Variants in CATSPER2 observed in about 807,000 individuals in gnomAD.
CATSPER2 encodes cation channel sperm-associated protein 2.
CATSPER2 carries 56 observed loss-of-function variants against 68.8 expected under a neutral mutation model. The ratio of observed to expected loss-of-function variants is 0.81; its 90% confidence interval spans 0.66 to 1.02. The LOEUF is 1.02. Ranked by LOEUF, CATSPER2 falls within the 50% of genes least tolerant of loss-of-function variation. The pLI is 0.00. For synonymous variants in CATSPER2, 198 were observed against 229.9 expected (o/e 0.86, Z 1.26); for missense variants, 582 against 642.0 (o/e 0.91, Z 1.01).
chr15:43,639,076 C>A, intron 6 of CATSPER2, 48 bp from the exon 7 acceptor site: 1 of 1,604,914 alleles, frequency 6.2e-7, no homozygotes, highest in South Asian at 1.1e-5. Flanking sequence ...CTAGGCTGAT[C>A]TCCACCAACA....
intron 5 of CATSPER2, 178 bp from the exon 6 acceptor site, chr15:43,639,976 C>T (rs906874830): frequency 1.0e-5 from 15 of 1,469,358 alleles, no homozygotes; most frequent in Non-Finnish European, 1.4e-5. Flanking sequence ...TATACTTAAA[C>T]TTGTTCAGAT....
At chr15:43,633,154 G>A (rs2085905869) in intron 10 of CATSPER2, 3 of 638,990 alleles carry the variant, frequency 4.7e-6, no homozygotes, top group Non-Finnish European at 7.9e-6. Context: ...AAGAAATCCT[G>A]CTGACTCTAC....
At position 43,630,607 on chromosome 15, in the gene CATSPER2, T is replaced by G; in HGVS notation, c.*94A>C. ...TTTAATTTTAATGAACAGACATTGT[T>G]CTATCTGAATGTTTATATTTTCAAT... On this transcript the variant is annotated 3_prime_UTR_variant, in exon 13 of 13. Coordinates refer to ENST00000396879, the MANE Select transcript of CATSPER2 (RefSeq NM_172095.4). 1 of 1,607,718 alleles carries G rather than the reference T, an allele frequency of 6.2e-7. No individual in the cohort carries two copies. The highest frequency in any genetic ancestry group is 8.5e-7 in the Non-Finnish European group (1 of 1,177,130).
chr15:43,641,802 G>A (rs566418968), intron 4 of CATSPER2, among the ~76,000 whole-genome samples: 5 of 152,024 alleles, frequency 3.3e-5, no homozygotes, highest in South Asian at 2.1e-4. Flanking sequence ...TGGCTCTTCC[G>A]GGCTCAAGAG....
In CATSPER2 at chr15:43,635,726, C is replaced by T. The variant is rs150604025; in HGVS notation, c.1121+1G>A. ...TTGGGGTTGAAAAGGGAGAAGCAGACCTCTGGATGATCTGCCGCTTGAACA... is the reference window on the plus strand; with the variant it reads ...TTGGGGTTGAAAAGGGAGAAGCAGATCTCTGGATGATCTGCCGCTTGAACA... On this transcript the variant is annotated splice_donor_variant, in intron 9 of 12. Coordinates refer to ENST00000396879, the MANE Select transcript of CATSPER2 (RefSeq NM_172095.4). LOFTEE classifies it high-confidence loss of function. 3.5e-5 allele frequency: 56 copies of T among 1,611,482 alleles called. 1 individual carries two copies. Among genetic ancestry groups the T allele is most frequent in the Admixed American group, 5.0e-5 (3 of 59,926 alleles).
chr15:43,635,677 T>G lies in CATSPER2; in HGVS notation c.1121+50A>C. 1.9e-6 allele frequency: 3 copies of G among 1,541,368 alleles called. No individual in the cohort carries two copies. In the Admixed American group the frequency reaches 5.1e-5, roughly 26 times the overall value. ...CGAGAAGTAGAAACAAGAAATGAGC[T>G]CAGGAAACCCTTGAGAAGGAAAGTT... On this transcript the variant is annotated intron_variant, in intron 9 of 12. Coordinates refer to ENST00000396879, the MANE Select transcript of CATSPER2 (RefSeq NM_172095.4).
At chr15:43,647,512 A>T (rs772518049) in intron 2 of CATSPER2, 45 bp from the exon 3 acceptor site, 3 of 1,579,366 alleles carry the variant, frequency 1.9e-6, no homozygotes, top group Non-Finnish European at 2.6e-6. Context: ...TACAAACAAA[A>T]TAGACCAGGT....
In CATSPER2 at chr15:43,630,638, A is replaced by T; in HGVS notation, c.*63T>A. The T allele has an allele frequency of 1.2e-6, 2 of 1,608,206 alleles. No homozygotes were observed. Among genetic ancestry groups the T allele is most frequent in the Non-Finnish European group, 1.7e-6 (2 of 1,177,302 alleles). ...TGAATGTTTATATTTTCAATTCTCTATTTCCAACAATTCCCTTCATTATCT... is the reference window on the plus strand; with the variant it reads ...TGAATGTTTATATTTTCAATTCTCTTTTTCCAACAATTCCCTTCATTATCT... On this transcript the variant is annotated 3_prime_UTR_variant, in exon 13 of 13. Coordinates refer to ENST00000396879, the MANE Select transcript of CATSPER2 (RefSeq NM_172095.4).
chr15:43,635,180 C>T lies in CATSPER2; in HGVS notation c.1178+180G>A, dbSNP rs551199678. The T allele has an allele frequency of 1.2e-4, 84 of 681,104 alleles. 1 individual carries two copies. In the East Asian group the frequency reaches 2.1e-3, roughly 17 times the overall value. The allele number at this position is 681,104 out of a possible 1,614,324, so 42.2% of individuals were successfully genotyped here. A position where few individuals can be genotyped will look rare whatever the true frequency, so the allele number is the denominator to read the frequency against. On this transcript the variant is annotated intron_variant, in intron 10 of 12. Coordinates refer to ENST00000396879, the MANE Select transcript of CATSPER2 (RefSeq NM_172095.4). ...CTTTTTTTTTTTCCAAATAAGGTCACATTCACAGGTTCCAGGGAGCAAAGA... is the reference window on the plus strand; with the variant it reads ...CTTTTTTTTTTTCCAAATAAGGTCATATTCACAGGTTCCAGGGAGCAAAGA...
chr15:43,639,069 G>T, intron 6 of CATSPER2, 41 bp from the exon 7 acceptor site: 1 of 1,607,548 alleles, frequency 6.2e-7, no homozygotes, highest in Non-Finnish European at 8.5e-7. Flanking sequence ...GGCCAAACTA[G>T]GCTGATCTCC....
Position 43,635,365 on chromosome 15 carries a change from C to A in CATSPER2, c.1173G>T (p.Glu391Asp), listed in dbSNP as rs143143156. The change falls in exon 10 of 13, where the codon GAG (glutamate) becomes GAT (aspartate). Residue 391 changes from glutamate (E) to aspartate (D), a missense_variant. Glu to Asp is a conservative substitution (Grantham distance 45). This residue lies in a region of CATSPER2 where 235 missense variants were observed against 264.2 expected (regional missense o/e 0.89). Transcript: ENST00000396879. Reference sequence around the variant, plus strand: ...TTCACATACATACTCCTAACCTGTCCTCTATTTTGCTATGGCTTGACGTCA... The same window carrying A: ...TTCACATACATACTCCTAACCTGTCATCTATTTTGCTATGGCTTGACGTCA... ...EALTSSHSKI[E>D]DSSRGASQQR... The A allele has an allele frequency of 2.9e-5, 47 of 1,609,264 alleles. No homozygotes were observed. The highest frequency in any genetic ancestry group is 1.1e-4 in the East Asian group (5 of 44,802).
At chr15:43,635,560 C>A (rs2085948959) in intron 9 of CATSPER2, 144 bp from the exon 10 acceptor site, 1 of 1,085,930 alleles carries the variant, frequency 9.2e-7, no homozygotes, top group African/African-American at 1.6e-5. Flanking sequence ...TGGAGGACAC[C>A]CCACAGTGGA....
chr15:43,648,425 C>G (rs1368068424), intron 1 of CATSPER2, among the ~76,000 whole-genome samples: 1 of 152,022 alleles, frequency 6.6e-6, no homozygotes, highest in Non-Finnish European at 1.5e-5. Flanking sequence ...ATCTGGGTCC[C>G]ACCTGTGCCT....
intron 10 of CATSPER2, chr15:43,634,819 C>T (rs2085935423): frequency 6.3e-6 from 1 of 159,486 alleles, no homozygotes; most frequent in Non-Finnish European, 1.4e-5. Context: ...TAACAAATTA[C>T]TATAAACTTG....
rs149429390 is a variant in CATSPER2 at position 43,635,752 on chromosome 15, T to C, written c.1096A>G (p.Met366Val). The part of the protein sequence containing the change: ...ARREVQLKAD[M>V]FKRQIIQRRK... ...CTCTGGATGATCTGCCGCTTGAACA[T>C]GTCAGCTTTGAGCTGAACCTCCCGA... Residue 366 changes from methionine (M) to valine (V), a missense_variant, in exon 9 of 13, where the codon ATG becomes GTG. Met to Val is a conservative substitution (Grantham distance 21, BLOSUM62 1). Around this residue, in one of 5 missense-constraint regions of CATSPER2, gnomAD observed 235 missense variants for 264.2 expected, o/e 0.89. Coordinates refer to ENST00000396879, the MANE Select transcript of CATSPER2 (RefSeq NM_172095.4). 7 of 1,613,378 alleles carry C rather than the reference T, an allele frequency of 4.3e-6. No homozygotes were observed. The highest frequency in any genetic ancestry group is 5.1e-6 in the Non-Finnish European group (6 of 1,179,698).
chr15:43,640,917 A>G (rs1465615153), intron 4 of CATSPER2, among the ~76,000 whole-genome samples: 1 of 151,252 alleles, frequency 6.6e-6, no homozygotes, highest in East Asian at 1.9e-4. Context: ...TGATATCTGA[A>G]CTACTTTATA....
At chr15:43,638,286 C>CTTTCTTTCTTTTTT (rs1354288133) in intron 7 of CATSPER2, among the ~76,000 whole-genome samples, 2 of 81,836 alleles carry the variant, frequency 2.4e-5, no homozygotes, top group African/African-American at 1.5e-4. Context: ...TTCTTTCTTT[C>CTTTCTTTCTTTTTT]TTTTTTTTTT....
intron 6 of CATSPER2, 143 bp from the exon 7 acceptor site, chr15:43,639,171 C>T: frequency 2.1e-6 from 2 of 939,130 alleles, no homozygotes; most frequent in Non-Finnish European, 3.3e-6. Flanking sequence ...TGGCACCTGT[C>T]CCCAGCCCCT....
rs368598187 is a variant in CATSPER2 at position 43,647,169 on chromosome 15, A to C, written c.320-51T>G. 1.7e-5 allele frequency: 27 copies of C among 1,577,074 alleles called. 1 individual carries two copies. The highest frequency in any genetic ancestry group is 2.3e-5 in the Non-Finnish European group (26 of 1,146,256). On this transcript the variant is annotated intron_variant, in intron 3 of 12. Transcript: ENST00000396879. Reference sequence around the variant, plus strand: ...GAGTGGAGTTCTTTCTGATTTATGCAGCTGAAATAATAAGAGCAATAACAT... The same window carrying C: ...GAGTGGAGTTCTTTCTGATTTATGCCGCTGAAATAATAAGAGCAATAACAT...
Sources: gnomAD v4.1 joint callset for allele counts (sites outside exome capture counted in the v4.1 genomes callset) on GRCh38, gnomAD v4.1.1 for gene constraint, gnomAD v4.1.1 regional missense constraint, MANE v1.5 for transcripts, NCBI Gene and HGNC (gene_info 2026-07-23, HGNC 2026-07-21) for gene names.